GNPTAB: variants seen among roughly 807,000 people sequenced by gnomAD.
GNPTAB encodes the protein N-acetylglucosamine-1-phosphotransferase subunits alpha/beta.
A neutral mutation model predicts 136.6 loss-of-function variants in GNPTAB; 92 were observed. The ratio of observed to expected loss-of-function variants is 0.67; its 90% CI spans 0.57 to 0.80. GNPTAB has a LOEUF of 0.80. Ranked by LOEUF, GNPTAB falls within the 30% of genes least tolerant of loss-of-function variation. The pLI, the probability that GNPTAB is intolerant of heterozygous loss-of-function variation, is 0.00. For missense variants in GNPTAB, 1,343 were observed against 1,501.8 expected (o/e 0.89, Z 1.75); for synonymous variants, 512 against 535.1 (o/e 0.96, Z 0.60).
intron 1 of GNPTAB, among the ~76,000 whole-genome samples, chr12:101,825,557 C>G (rs1238174915): frequency 1.3e-5 from 2 of 152,132 alleles, no homozygotes; most frequent in East Asian, 3.8e-4. Context: ...TTTCTAGTGG[C>G]TAAGAATACA....
At chr12:101,796,463 C>T in intron 2 of GNPTAB, 1 of 620,582 alleles carries the variant, frequency 1.6e-6, no homozygotes, top group Non-Finnish European at 2.9e-6. Context: ...TGCACAGGGG[C>T]CACACTAATC....
At position 101,761,461 on chromosome 12, in the gene GNPTAB, T is replaced by A. The variant is rs542345255; in HGVS notation, c.2915+103A>T. On this transcript the variant is annotated intron_variant, in intron 14 of 20. Coordinates refer to ENST00000299314, the MANE Select transcript of GNPTAB (RefSeq NM_024312.5). The stretch of plus-strand genomic sequence containing the variant: ...TTAGATAATACCTTTAACATATTAG[T>A]CATCAAATATTAGAGCTATAAATTT... 3.9e-4 allele frequency: 551 copies of A among 1,405,096 alleles called. 1 individual carries two copies. The African/African-American group carries it at 6.9e-3, about 18-fold the overall frequency. The allele number at this position is 1,405,096 out of a possible 1,614,324, so 87.0% of individuals were successfully genotyped here.
At chr12:101,811,383 CTTTTTT>C (rs11356611) in intron 1 of GNPTAB, among the ~76,000 whole-genome samples, 2 of 142,576 alleles carry the variant, frequency 1.4e-5, no homozygotes, top group Non-Finnish European at 3.1e-5. Flanking sequence ...ATAATTTTTT[CTTTTTT>C]TTTTTTTCTT....
Position 101,790,034 on chromosome 12 carries a change from T to C in GNPTAB, c.227A>G (p.Asp76Gly). 6.2e-7 allele frequency: 1 copy of C among 1,614,160 alleles called. No individual in the cohort carries two copies. Among genetic ancestry groups the C allele is most frequent in the African/African-American group, 1.3e-5 (1 of 75,052 alleles). Residue 76 changes from aspartate (D) to glycine (G), a missense_variant, in exon 3 of 21, where the codon GAC becomes GGC. By Grantham distance (94) the Asp-to-Gly change is moderately conservative (BLOSUM62 -1). Coordinates refer to ENST00000299314, the MANE Select transcript of GNPTAB (RefSeq NM_024312.5). ...GCCATTCACCCAGGTGTAAACAACG[T>C]CAATCGGCATGGGCAGACAAAGCCT... ...QNRLCLPMPI[D>G]VVYTWVNGTD...
intron 1 of GNPTAB, among the ~76,000 whole-genome samples, chr12:101,811,050 A>T (rs1004353703): frequency 7.2e-5 from 11 of 152,350 alleles, no homozygotes; most frequent in Middle Eastern, 3.4e-3. Flanking sequence ...TGCCTTGAGA[A>T]GAACACAACC....
intron 9 of GNPTAB, 51 bp downstream of exon 9, chr12:101,770,355 A>G (rs1953152127): frequency 4.8e-6 from 7 of 1,450,310 alleles, no homozygotes; most frequent in Non-Finnish European, 5.8e-6. Context: ...TACCACACTA[A>G]AAGAGCAGAA....
At position 101,761,632 on chromosome 12, in the gene GNPTAB, T is replaced by A; in HGVS notation, c.2847A>T (p.Thr949=). 6.2e-7 allele frequency: 1 copy of A among 1,614,224 alleles called. No homozygotes were observed. The highest frequency in any genetic ancestry group is 8.5e-7 in the Non-Finnish European group (1 of 1,180,018). ...NKILNSKFGF[T]SRKVPAHMPH... is the part of the protein sequence containing the mutation. ...GCATGTGAGCAGGGACTTTCCGCGA[T>A]GTGAATCCAAACTTGCTATTTAGAA... is the stretch of plus-strand genomic sequence containing the variant. Residue 949 remains threonine, a synonymous_variant, in exon 14 of 21, where the codon ACA becomes ACT. Transcript: ENST00000299314.
intron 7 of GNPTAB, among the ~76,000 whole-genome samples, chr12:101,771,770 G>A (rs1227215952): frequency 2.0e-5 from 3 of 152,174 alleles, no homozygotes; most frequent in Non-Finnish European, 4.4e-5. Flanking sequence ...CCCAACTGTT[G>A]TATGAAATCT....
intron 1 of GNPTAB, among the ~76,000 whole-genome samples, chr12:101,815,170 C>G (rs926091998): frequency 6.6e-6 from 1 of 152,174 alleles, no homozygotes; most frequent in South Asian, 2.1e-4. Context: ...CAGGCTCAAG[C>G]AGTCCTCCCA....
intron 1 of GNPTAB, among the ~76,000 whole-genome samples, chr12:101,829,162 G>C (rs1462679774): frequency 2.6e-5 from 4 of 152,132 alleles, no homozygotes; most frequent in Admixed American, 6.5e-5. Context: ...GCCAAGCATG[G>C]AATGAAAGCA....
intron 1 of GNPTAB, among the ~76,000 whole-genome samples, chr12:101,828,041 T>A (rs1481249978): frequency 1.3e-5 from 2 of 152,196 alleles, no homozygotes; most frequent in Non-Finnish European, 2.9e-5. Context: ...CCATTACAAT[T>A]AGTGAGATTA....
intron 1 of GNPTAB, among the ~76,000 whole-genome samples, chr12:101,821,056 TCAAAAAAAAAA>T (rs1334836804): frequency 1.7e-5 from 2 of 114,720 alleles, no homozygotes; most frequent in South Asian, 2.9e-4. Flanking sequence ...AGACTCCGTC[TCAAAAAAAAAA>T]AAAAAAAAAA....
At chr12:101,795,598 C>T (rs1016124246) in intron 2 of GNPTAB, among the ~76,000 whole-genome samples, 3 of 151,632 alleles carry the variant, frequency 2.0e-5, no homozygotes, top group African/African-American at 7.3e-5. Flanking sequence ...ACTAAAAATA[C>T]AAAAATTAGC....
intron 5 of GNPTAB, 25 bp downstream of exon 5, chr12:101,785,987 T>A (rs760695817): frequency 2.1e-5 from 32 of 1,496,914 alleles, no homozygotes; most frequent in Non-Finnish European, 2.7e-5. Flanking sequence ...AACATGATTT[T>A]AAAATATCCA....
At position 101,747,258 on chromosome 12, in the gene GNPTAB, A is replaced by C. The variant is rs1952747573; in HGVS notation, c.3694-17T>G. On this transcript the variant is annotated splice_polypyrimidine_tract_variant and intron_variant, in intron 20 of 20. Coordinates refer to ENST00000299314, the MANE Select transcript of GNPTAB (RefSeq NM_024312.5). ...TGCAATTAACTAAATGATGAAAGAC[A>C]GAAAATACATTTTAATTCTCACGTT... 7.0e-7 allele frequency: 1 copy of C among 1,419,066 alleles called. No individual in the cohort carries two copies. Among genetic ancestry groups the C allele is most frequent in the Admixed American group, 1.7e-5 (1 of 59,676 alleles). The allele number at this position is 1,419,066 out of a possible 1,614,324, so 87.9% of individuals were successfully genotyped here.
rs1456293640 is a variant in GNPTAB at position 101,788,106 on chromosome 12, CTTG to C, written c.365+439_365+441del. ...CAAGTCGAGATAGGTGTATTTGGTTCTTGTTGTTGGGCTAAATCTCCTTCCCAG... is the reference window on the plus strand; with the variant it reads ...CAAGTCGAGATAGGTGTATTTGGTTCTTGTTGGGCTAAATCTCCTTCCCAG... On this transcript the variant is annotated intron_variant, in intron 4 of 20. Transcript: ENST00000299314. Among the ~76,000 whole-genome samples the C allele has an allele frequency of 3.3e-5, 5 of 152,252 alleles. No homozygotes were observed. The South Asian group carries it at 1.0e-3, about 32-fold the overall frequency.
At chr12:101,747,981 C>T (rs189223731) in intron 20 of GNPTAB, among the ~76,000 whole-genome samples, 1 of 152,308 alleles carries the variant, frequency 6.6e-6, no homozygotes, top group Non-Finnish European at 1.5e-5. Context: ...TCTTCCTTTC[C>T]ATTAATGGCT....
chr12:101,828,712 C>T (rs61938211), intron 1 of GNPTAB, among the ~76,000 whole-genome samples: 22,124 of 151,944 alleles, frequency 0.15, 1,685 homozygotes, highest in South Asian at 0.22. Context: ...AAAAAAAAAG[C>T]ACAGCTCTGA....
chr12:101,769,160 T>C (rs1215404901), intron 10 of GNPTAB, among the ~76,000 whole-genome samples: 1 of 152,168 alleles, frequency 6.6e-6, no homozygotes, highest in Non-Finnish European at 1.5e-5. Flanking sequence ...ACTGAACCCT[T>C]CTAACAACGC....
Sources: allele counts gnomAD v4.1 joint callset (sites outside exome capture counted in the v4.1 genomes callset), GRCh38; gene constraint gnomAD v4.1.1; transcripts MANE v1.5; gene names NCBI Gene and HGNC (gene_info 2026-07-23, HGNC 2026-07-21).